LPCAT3: variants seen among roughly 807,000 people sequenced by gnomAD.
The protein encoded by LPCAT3 is lysophosphatidylcholine acyltransferase 3, also known as lysophospholipid acyltransferase 5.
A neutral mutation model predicts 63.4 loss-of-function variants in LPCAT3; 21 were observed. That is an observed-to-expected ratio of 0.33 (90% CI 0.23 to 0.48). The LOEUF is 0.48. Ranked by LOEUF, LPCAT3 falls within the 20% of genes least tolerant of loss-of-function variation. LPCAT3 has a pLI of 0.99. For missense variants in LPCAT3, 451 were observed against 590.6 expected, an observed-to-expected ratio of 0.76 and a Z score of 2.45; for synonymous variants, 242 against 227.5, an observed-to-expected ratio of 1.06 and a Z score of -0.58.
chr12:7,015,757 G>A (rs986768376), intron 1 of LPCAT3, among the ~76,000 whole-genome samples: 24 of 152,114 alleles, frequency 1.6e-4, no homozygotes, highest in Non-Finnish European at 3.5e-4. Flanking sequence ...TCGGGAGTGT[G>A]GTAGATGCAT....
chr12:6,993,105 T>C (rs868937032), intron 1 of LPCAT3, among the ~76,000 whole-genome samples: 18 of 152,322 alleles, frequency 1.2e-4, no homozygotes, highest in African/African-American at 4.3e-4. Context: ...TACCATAAAA[T>C]TCACCCTTCA....
At chr12:6,979,765 G>A in intron 6 of LPCAT3, 186 bp from the exon 7 acceptor site, 1 of 604,742 alleles carries the variant, frequency 1.7e-6, no homozygotes, top group Non-Finnish European at 3.0e-6. Context: ...TATGAGGAAT[G>A]GGGACTGCAA....
intron 1 of LPCAT3, among the ~76,000 whole-genome samples, chr12:6,989,403 G>A (rs964956184): frequency 4.7e-5 from 7 of 149,588 alleles, no homozygotes; most frequent in East Asian, 2.0e-4. Context: ...TCCGCCTCCC[G>A]GGTTCACGCC....
Position 7,018,366 on chromosome 12 carries a change from T to C in LPCAT3, c.59A>G (p.Gln20Arg). ...GTVVALAGVL[Q>R]SGFQELSLNK... ...AAGGCTCAGCTCCTGGAAACCCGACTGCAGAACCCCCGCCAGCGCCACCAC... is the reference window on the plus strand; with the variant it reads ...AAGGCTCAGCTCCTGGAAACCCGACCGCAGAACCCCCGCCAGCGCCACCAC... The change falls in exon 1 of 13, where the codon CAG becomes CGG. Residue 20 changes from glutamine (Q) to arginine (R), a missense_variant. Physicochemically the swap from Gln to Arg is conservative, Grantham distance 43. Around this residue, in one of 3 missense-constraint regions of LPCAT3, gnomAD observed 133 missense variants for 152.1 expected, o/e 0.87. Transcript: ENST00000261407. This position sits in a 1 kb window ranked among gnomAD's most constrained non-coding sequence, Gnocchi z 4.9. 6.2e-7 allele frequency: 1 copy of C among 1,612,404 alleles called. No homozygotes were observed. Among genetic ancestry groups the C allele is most frequent in the Non-Finnish European group, 8.5e-7 (1 of 1,179,372 alleles).
At chr12:6,980,983 T>G in intron 6 of LPCAT3, 21 bp downstream of exon 6, 3 of 1,561,180 alleles carry the variant, frequency 1.9e-6, no homozygotes, top group Non-Finnish European at 2.6e-6. Flanking sequence ...CACAAACATC[T>G]GGACCAAGAG....
At chr12:6,978,829 T>TATTGTGAAGGCAATCAGGCCA in intron 7 of LPCAT3, 140 bp from the exon 8 acceptor site, 1 of 1,234,058 alleles carries the variant, frequency 8.1e-7, no homozygotes, top group Non-Finnish European at 1.1e-6. Flanking sequence ...TAGTCTGGCC[T>TATTGTGAAGGCAATCAGGCCA]GATTGCCTTC....
In LPCAT3 at chr12:6,977,697, C is replaced by T; in HGVS notation, c.1089G>A (p.Gln363=). The part of the protein sequence containing the change: ...LKFLGNKELS[Q]GLSLLFLALW... ...GGGCCAGGAATAGCAACGAGAGACC[C>T]TGAGAGAGTTCTTTATTTCCAAGGA... Residue 363 remains glutamine (Q), a synonymous_variant, in exon 10 of 13, where the codon CAG becomes CAA. Coordinates refer to ENST00000261407, the MANE Select transcript of LPCAT3 (RefSeq NM_005768.6). This position sits in a 1 kb window ranked among gnomAD's most constrained non-coding sequence, Gnocchi z 4.5. The T allele has an allele frequency of 3.7e-6, 6 of 1,614,204 alleles. No homozygotes were observed. The highest frequency in any genetic ancestry group is 5.1e-6 in the Non-Finnish European group (6 of 1,180,040).
Position 6,977,122 on chromosome 12 carries a change from G to T in LPCAT3, c.*12+12C>A. 2 of 1,476,164 alleles carry T rather than the reference G, an allele frequency of 1.4e-6. No homozygotes were observed. The highest frequency in any genetic ancestry group is 1.9e-6 in the Non-Finnish European group (2 of 1,054,780). The allele number at this position is 1,476,164 out of a possible 1,614,324, so 91.4% of individuals were successfully genotyped here. On this transcript the variant is annotated intron_variant, in intron 12 of 12. Coordinates refer to ENST00000261407, the MANE Select transcript of LPCAT3 (RefSeq NM_005768.6). The surrounding 1 kb of genome is among the most constrained non-coding windows in gnomAD (Gnocchi z 4.5). Reference sequence around the variant, plus strand: ...ACCTGGTGGTAGTTTTAGTTTAGCTGTATTAACTTACCAGGGAAATGGATT... The same window carrying T: ...ACCTGGTGGTAGTTTTAGTTTAGCTTTATTAACTTACCAGGGAAATGGATT...
intron 1 of LPCAT3, among the ~76,000 whole-genome samples, chr12:7,010,751 T>C (rs914870660): frequency 6.6e-6 from 1 of 152,244 alleles, no homozygotes; most frequent in Admixed American, 6.5e-5. Context: ...GAAACATGTT[T>C]AACGATAAAG....
rs375330408 is a variant in LPCAT3, at chr12:6,982,828, C to T, written c.260-46G>A. ...TTTAGCCTGGTTTTTACACTCCCACCGTCCTGAGACTTCCAATCACAACGT... is the reference window on the plus strand; with the variant it reads ...TTTAGCCTGGTTTTTACACTCCCACTGTCCTGAGACTTCCAATCACAACGT... On this transcript the variant is annotated intron_variant, in intron 2 of 12. Coordinates refer to ENST00000261407, the MANE Select transcript of LPCAT3 (RefSeq NM_005768.6). The T allele has an allele frequency of 3.3e-5, 41 of 1,245,356 alleles. 1 individual carries two copies. Among genetic ancestry groups the T allele is most frequent in the Middle Eastern group, 1.9e-4 (1 of 5,356 alleles). 77.1% of individuals were successfully genotyped at this position (1,245,356 alleles called of 1,614,324 possible).
intron 1 of LPCAT3, among the ~76,000 whole-genome samples, chr12:6,992,194 G>T (rs370087281): frequency 6.6e-6 from 1 of 152,008 alleles, no homozygotes; most frequent in East Asian, 1.9e-4. Flanking sequence ...AAATTAGCCA[G>T]GTGTGGTGGT....
At position 6,977,857 on chromosome 12, in the gene LPCAT3, C is replaced by T. The variant is rs782611419; in HGVS notation, c.1041-112G>A. 124 of 1,272,934 alleles carry T rather than the reference C, an allele frequency of 9.7e-5. No individual in the cohort carries two copies. The highest frequency in any genetic ancestry group is 2.4e-4 in the Middle Eastern group (1 of 4,112). 78.9% of individuals were successfully genotyped at this position (1,272,934 alleles called of 1,614,324 possible). A position where few individuals can be genotyped will look rare whatever the true frequency, so the allele number is the denominator to read the frequency against. On this transcript the variant is annotated intron_variant, in intron 9 of 12. Transcript: ENST00000261407. This position sits in a 1 kb window ranked among gnomAD's most constrained non-coding sequence, Gnocchi z 4.5. ...GGATTGGAGTGCTGGTGGGTTCCCA[C>T]GTGTAGCCCCCAGAGGGTACAGGAG...
chr12:6,978,203 C>A, intron 9 of LPCAT3, 138 bp downstream of exon 9: 7 of 1,022,940 alleles, frequency 6.8e-6, no homozygotes, highest in Non-Finnish European at 9.9e-6. Context: ...AGGTGGGGGT[C>A]AAAGTCAGTG....
intron 1 of LPCAT3, among the ~76,000 whole-genome samples, chr12:7,011,107 C>T (rs2138361037): frequency 6.6e-6 from 1 of 152,274 alleles, no homozygotes; most frequent in African/African-American, 2.4e-5. Context: ...CCTCAACGTC[C>T]TGAGTTGAGC....
intron 1 of LPCAT3, among the ~76,000 whole-genome samples, chr12:6,998,699 C>A (rs1946659175): frequency 1.3e-5 from 2 of 152,200 alleles, no homozygotes; most frequent in African/African-American, 4.8e-5. Flanking sequence ...CACCTTTGAT[C>A]CTTTCTGTTC....
chr12:7,003,741 T>G (rs1946706000), intron 1 of LPCAT3, among the ~76,000 whole-genome samples: 1 of 151,018 alleles, frequency 6.6e-6, no homozygotes, highest in Non-Finnish European at 1.5e-5. Context: ...GCTAACAAGG[T>G]GAAACCCCGT....
chr12:6,983,091 T>G, intron 2 of LPCAT3: 1 of 521,858 alleles, frequency 1.9e-6, no homozygotes, highest in South Asian at 1.7e-5. Context: ...CACACCCAGC[T>G]TGTTACTGTA....
Position 6,976,895 on chromosome 12 carries a change from CAAGA to C in LPCAT3, c.*13-8_*13-5del, listed in dbSNP as rs1193475384. ...GCACCAGTCCCGCACAGGCCACCTG[CAAGA>C]CAAGAGGAGTTTGGAAGGCTGGTTA... is the stretch of plus-strand genomic sequence containing the variant. On this transcript the variant is annotated splice_polypyrimidine_tract_variant and splice_region_variant and intron_variant, in intron 12 of 12. Coordinates refer to ENST00000261407, the MANE Select transcript of LPCAT3 (RefSeq NM_005768.6). 1 of 456,880 alleles carries C rather than the reference CAAGA, an allele frequency of 2.2e-6. No homozygotes were observed. The highest frequency in any genetic ancestry group is 4.0e-6 in the Non-Finnish European group (1 of 247,520). 28.3% of individuals were successfully genotyped at this position (456,880 alleles called of 1,614,324 possible).
intron 6 of LPCAT3, 146 bp from the exon 7 acceptor site, chr12:6,979,725 C>G: frequency 1.6e-6 from 1 of 628,408 alleles, no homozygotes; most frequent in South Asian, 1.9e-5. Context: ...AAAGTGTTTC[C>G]TGTTTCAGGG....
Sources: gnomAD v4.1 joint callset for allele counts (sites outside exome capture counted in the v4.1 genomes callset) on GRCh38, gnomAD v4.1.1 for gene constraint, gnomAD v4.1.1 regional missense constraint, Gnocchi (gnomAD v3.1) non-coding constraint, MANE v1.5 for transcripts, NCBI Gene and HGNC (gene_info 2026-07-23, HGNC 2026-07-21) for gene names.